Variants in FOXP1 observed in about 807,000 individuals in gnomAD.
The protein encoded by FOXP1 is forkhead box P1, also known as forkhead box protein P1.
Under a neutral mutation model 98.2 loss-of-function variants are expected in FOXP1, and 15 were observed. The ratio of observed to expected loss-of-function variants is 0.15; its 90% confidence interval spans 0.10 to 0.24. The LOEUF (loss-of-function observed/expected upper bound fraction) is 0.24. FOXP1 is among the 10% of genes least tolerant of loss of function. The pLI is 1.00. For missense variants in FOXP1, 633 were observed against 848.5 expected (o/e 0.75, Z 3.15); for synonymous variants, 371 against 314.5 (o/e 1.18, Z -1.90).
At chr3:70,984,330 G>A (rs1373627120) in intron 14 of FOXP1, among the ~76,000 whole-genome samples, 2 of 152,198 alleles carry the variant, frequency 1.3e-5, no homozygotes, top group African/African-American at 4.8e-5. Flanking sequence ...CTAAGGAAAG[G>A]TTCACAAGGC....
At chr3:71,262,426 A>G (rs2069251211) in intron 5 of FOXP1, among the ~76,000 whole-genome samples, 1 of 152,072 alleles carries the variant, frequency 6.6e-6, no homozygotes, top group Non-Finnish European at 1.5e-5. Flanking sequence ...GGCTGAGCAG[A>G]TTTCTAATAC....
At chr3:71,109,185 G>C (rs891607512) in intron 7 of FOXP1, among the ~76,000 whole-genome samples, 1 of 152,156 alleles carries the variant, frequency 6.6e-6, no homozygotes. Context: ...TCAGTATGTG[G>C]ATCTGCAAAG....
At chr3:71,539,580 T>C (rs1290275761) in intron 2 of FOXP1, among the ~76,000 whole-genome samples, 1 of 152,174 alleles carries the variant, frequency 6.6e-6, no homozygotes, top group Non-Finnish European at 1.5e-5. Flanking sequence ...GAGTGCCACC[T>C]TGATAACAAT....
At chr3:71,052,648 G>A (rs1466605265) in intron 8 of FOXP1, 22 bp from the exon 9 acceptor site, 3 of 956,432 alleles carry the variant, frequency 3.1e-6, no homozygotes, top group African/African-American at 3.2e-5. Context: ...AGAGAGGACG[G>A]TAAGTAACAG....
chr3:71,035,581 T>C (rs1410247843), intron 11 of FOXP1, among the ~76,000 whole-genome samples: 2 of 152,206 alleles, frequency 1.3e-5, no homozygotes, highest in Non-Finnish European at 2.9e-5. Flanking sequence ...AGCTCTGTTA[T>C]AGTGTTATAG....
intron 11 of FOXP1, among the ~76,000 whole-genome samples, chr3:71,038,537 C>T (rs1247064997): frequency 4.6e-5 from 7 of 152,154 alleles, no homozygotes; most frequent in South Asian, 2.1e-4. Flanking sequence ...TTTATAGTGA[C>T]AGCTTTGTTT....
chr3:71,219,910 C>T (rs2065228281), intron 5 of FOXP1, among the ~76,000 whole-genome samples: 1 of 152,010 alleles, frequency 6.6e-6, no homozygotes, highest in Non-Finnish European at 1.5e-5. Flanking sequence ...ACACTGTAGC[C>T]ACACTTAACA....
chr3:71,304,588 C>T (rs2074116447), intron 4 of FOXP1: 1 of 152,158 alleles, frequency 6.6e-6, no homozygotes. Context: ...TACAATAGCA[C>T]TAATCACAGA....
chr3:71,174,143 TGACA>T (rs928757117), intron 6 of FOXP1, among the ~76,000 whole-genome samples: 2 of 152,204 alleles, frequency 1.3e-5, no homozygotes, highest in African/African-American at 4.8e-5. Flanking sequence ...GGAGTATTTG[TGACA>T]GAAAGAACAG....
At chr3:71,494,890 C>T (rs2091299519) in intron 2 of FOXP1, among the ~76,000 whole-genome samples, 2 of 149,892 alleles carry the variant, frequency 1.3e-5, no homozygotes, top group South Asian at 4.2e-4. Flanking sequence ...GACATGCTCC[C>T]TAAAGCCATG....
chr3:71,058,422 G>T (rs1312424449), intron 7 of FOXP1, among the ~76,000 whole-genome samples: 1 of 152,146 alleles, frequency 6.6e-6, no homozygotes, highest in East Asian at 1.9e-4. Flanking sequence ...TTCACCACAT[G>T]TATGTCCCAG....
intron 5 of FOXP1, among the ~76,000 whole-genome samples, chr3:71,234,718 C>G (rs1203943546): frequency 6.6e-6 from 1 of 152,066 alleles, no homozygotes; most frequent in East Asian, 1.9e-4. Flanking sequence ...TGTGAATGTT[C>G]AAAGAGTGAC....
intron 4 of FOXP1, among the ~76,000 whole-genome samples, chr3:71,327,459 C>T (rs1461218900): frequency 6.9e-6 from 1 of 144,198 alleles, no homozygotes; most frequent in Admixed American, 7.1e-5. Context: ...GCGATCTCAG[C>T]TCACTGCAAG....
At chr3:71,098,929 G>A (rs962202947) in intron 7 of FOXP1, among the ~76,000 whole-genome samples, 4 of 152,108 alleles carry the variant, frequency 2.6e-5, no homozygotes, top group South Asian at 4.1e-4. Flanking sequence ...TTAGTAGCAC[G>A]GATGATGACA....
intron 2 of FOXP1, among the ~76,000 whole-genome samples, chr3:71,550,113 C>T (rs1010594750): frequency 3.9e-5 from 6 of 152,086 alleles, no homozygotes; most frequent in African/African-American, 1.4e-4. Context: ...CGCCTCCAGC[C>T]CTAACACAGT....
intron 4 of FOXP1, among the ~76,000 whole-genome samples, chr3:71,327,925 A>G (rs907745002): frequency 6.6e-6 from 1 of 152,184 alleles, no homozygotes; most frequent in Non-Finnish European, 1.5e-5. Context: ...CTAAATCAGT[A>G]ATGTTCTCCC....
chr3:71,514,381 C>T (rs1459865579), intron 2 of FOXP1, among the ~76,000 whole-genome samples: 1 of 152,182 alleles, frequency 6.6e-6, no homozygotes, highest in Non-Finnish European at 1.5e-5. Context: ...AACCTCATTC[C>T]CTGGTTTTTC....
At chr3:71,328,387 G>C (rs1316899621) in intron 4 of FOXP1, among the ~76,000 whole-genome samples, 1 of 152,256 alleles carries the variant, frequency 6.6e-6, no homozygotes, top group East Asian at 1.9e-4. Flanking sequence ...GAGGGAACCT[G>C]TCATCTTTGG....
intron 3 of FOXP1, among the ~76,000 whole-genome samples, chr3:71,404,120 C>CTTTTTTTTTTTTTTTTTTTTTTTTTT: frequency 1.6e-5 from 1 of 62,702 alleles, no homozygotes; most frequent in Non-Finnish European, 2.8e-5. Flanking sequence ...TTTTCTTTTT[C>CTTTTTTTTTTTTTTTTTTTTTTTTTT]TTTTTTTTTT....
Sources: allele counts gnomAD v4.1 joint callset (sites outside exome capture counted in the v4.1 genomes callset), GRCh38; gene constraint gnomAD v4.1.1; transcripts MANE v1.5; gene names NCBI Gene and HGNC (gene_info 2026-07-23, HGNC 2026-07-21).